The following KIF1A variants were observed in gnomAD, a reference collection of about 807,000 sequenced individuals.
The protein encoded by KIF1A is kinesin family member 1A, also known as kinesin-like protein KIF1A.
A neutral mutation model predicts 227.3 loss-of-function variants in KIF1A; 46 were observed. The ratio of observed to expected loss-of-function variants is 0.20; its 90% CI spans 0.16 to 0.26. KIF1A has a LOEUF of 0.26. KIF1A is among the 10% of genes least tolerant of loss of function. KIF1A has a pLI of 1.00. For synonymous variants in KIF1A, 1,022 were observed against 1,012.8 expected, an observed-to-expected ratio of 1.01 and a Z score of -0.17; for missense variants, 1,683 against 2,485.9, an observed-to-expected ratio of 0.68 and a Z score of 6.87.
At chr2:240,782,667 G>C (rs2054225443) in intron 9 of KIF1A, 60 bp from the exon 10 acceptor site, 1 of 1,534,908 alleles carries the variant, frequency 6.5e-7, no homozygotes, top group Middle Eastern at 1.8e-4. Context: ...CGGGCTGTGG[G>C]GGCGGAAGAG....
chr2:240,759,564 C>A (rs1456461768), intron 25 of KIF1A, among the ~76,000 whole-genome samples: 1 of 137,874 alleles, frequency 7.3e-6, no homozygotes, highest in African/African-American at 2.8e-5. Flanking sequence ...CCTGGGCCTT[C>A]CCCTACTCCT....
In KIF1A at chr2:240,793,815, C is replaced by T. The variant is rs1430896153; in HGVS notation, c.106+3832G>A. ...CGCTTTAGAGAGTGGGGCCTCTCCT[C>T]ATGTTTTGAGACTCCAGGAACAGTC... On this transcript the variant is annotated intron_variant, in intron 2 of 48. Coordinates refer to ENST00000498729, the MANE Select transcript of KIF1A (RefSeq NM_001244008.2). This position sits in a 1 kb window ranked among gnomAD's most constrained non-coding sequence, Gnocchi z 4.8. Among the ~76,000 whole-genome samples the T allele has an allele frequency of 6.6e-6, 1 of 152,220 alleles. No homozygotes were observed. Among genetic ancestry groups the T allele is most frequent in the Non-Finnish European group, 1.5e-5 (1 of 68,046 alleles).
chr2:240,765,437 C>G (rs2051051246), intron 20 of KIF1A, among the ~76,000 whole-genome samples: 1 of 152,230 alleles, frequency 6.6e-6, no homozygotes, highest in Admixed American at 6.5e-5. Context: ...GCAGGCACAC[C>G]CTGGCTCCTC....
In KIF1A at chr2:240,725,610, T is replaced by C. The variant is rs1051518466; in HGVS notation, c.4123-206A>G. On this transcript the variant is annotated intron_variant, in intron 39 of 48. Coordinates refer to ENST00000498729, the MANE Select transcript of KIF1A (RefSeq NM_001244008.2). This position sits in a 1 kb window ranked among gnomAD's most constrained non-coding sequence, Gnocchi z 5.8. Reference sequence around the variant, plus strand: ...CCCACTGGGGACAGGTAGCCACAGCTCTGTCCACCCCTGGGCTGCCTGAGG... The same window carrying C: ...CCCACTGGGGACAGGTAGCCACAGCCCTGTCCACCCCTGGGCTGCCTGAGG... 9.8e-5 allele frequency: 57 copies of C among 581,464 alleles called. No homozygotes were observed. The highest frequency in any genetic ancestry group is 1.6e-4 in the Non-Finnish European group (52 of 332,268). 36.0% of individuals were successfully genotyped at this position (581,464 alleles called of 1,614,324 possible).
rs1320733789 is a variant in KIF1A, at chr2:240,752,906, C to T, written c.2859-2359G>A. Among the ~76,000 whole-genome samples the T allele has an allele frequency of 6.6e-6, 1 of 152,190 alleles. No homozygotes were observed. Among genetic ancestry groups the T allele is most frequent in the East Asian group, 1.9e-4 (1 of 5,178 alleles). ...CACGGGGTTCCTGAATCCATTGGCG[C>T]AGCTCACAGGAAGGAGAGGCTAGAG... is the stretch of plus-strand genomic sequence containing the variant. On this transcript the variant is annotated intron_variant, in intron 27 of 48. Transcript: ENST00000498729. The surrounding 1 kb of genome is among the most constrained non-coding windows in gnomAD (Gnocchi z 6.4).
chr2:240,779,083 C>T (rs1168054525), intron 10 of KIF1A, among the ~76,000 whole-genome samples: 1 of 151,494 alleles, frequency 6.6e-6, no homozygotes, highest in Non-Finnish European at 1.5e-5. Context: ...CACAGTTCCA[C>T]ACTCAGTTCC....
chr2:240,763,908 G>A (rs2050828850), intron 20 of KIF1A, among the ~76,000 whole-genome samples: 1 of 152,304 alleles, frequency 6.6e-6, no homozygotes, highest in East Asian at 1.9e-4. Flanking sequence ...ACAGGTGGCT[G>A]CAGAGCCTCA....
At chr2:240,717,436 T>C in intron 48 of KIF1A, 30 bp from the exon 49 acceptor site, 1 of 1,606,634 alleles carries the variant, frequency 6.2e-7, no homozygotes. Flanking sequence ...GGCGGCGTGG[T>C]CAGGCCAGGA....
rs916199475 is a variant in KIF1A at position 240,775,175 on chromosome 2, G to A, written c.958+676C>T. On this transcript the variant is annotated intron_variant, in intron 11 of 48. Transcript: ENST00000498729. This position sits in a 1 kb window ranked among gnomAD's most constrained non-coding sequence, Gnocchi z 5.5. The stretch of plus-strand genomic sequence containing the variant: ...CTGCAATACTGACCTGAGCTGGGGA[G>A]CAAGCATGGCTAGTTGTGGGGTGCA... Among the ~76,000 whole-genome samples the A allele has an allele frequency of 1.3e-5, 2 of 152,228 alleles. No individual in the cohort carries two copies. Among genetic ancestry groups the A allele is most frequent in the African/African-American group, 4.8e-5 (2 of 41,464 alleles).
In KIF1A at chr2:240,793,903, G is replaced by A. The variant is rs896098863; in HGVS notation, c.106+3744C>T. Among the ~76,000 whole-genome samples the A allele has an allele frequency of 3.3e-5, 5 of 152,148 alleles. No individual in the cohort carries two copies. The highest frequency in any genetic ancestry group is 3.3e-4 in the Admixed American group (5 of 15,274). ...TCACTTCCCCACGACATCCTCTGAG[G>A]GGCCCCGCACAGTCCCCGCCATCTT... On this transcript the variant is annotated intron_variant, in intron 2 of 48. Coordinates refer to ENST00000498729, the MANE Select transcript of KIF1A (RefSeq NM_001244008.2). The surrounding 1 kb of genome is among the most constrained non-coding windows in gnomAD (Gnocchi z 4.8).
chr2:240,808,680 T>A (rs1460057321), intron 1 of KIF1A, among the ~76,000 whole-genome samples: 1 of 151,172 alleles, frequency 6.6e-6, no homozygotes, highest in Non-Finnish European at 1.5e-5. Context: ...CTCTAAAAAA[T>A]AAATAAATAA....
chr2:240,794,140 G>T (rs1223918445), intron 2 of KIF1A, among the ~76,000 whole-genome samples: 1 of 152,184 alleles, frequency 6.6e-6, no homozygotes, highest in Non-Finnish European at 1.5e-5. Flanking sequence ...TCAACCTCCA[G>T]GAGAAAAGCC....
chr2:240,732,473 G>A (rs1168950660), intron 38 of KIF1A, among the ~76,000 whole-genome samples: 1 of 148,036 alleles, frequency 6.8e-6, no homozygotes, highest in African/African-American at 2.5e-5. Flanking sequence ...AGGGATGAGG[G>A]GGTGAGGGGA....
chr2:240,755,479 A>C (rs2049741167), intron 27 of KIF1A, among the ~76,000 whole-genome samples: 1 of 152,200 alleles, frequency 6.6e-6, no homozygotes, highest in Non-Finnish European at 1.5e-5. Flanking sequence ...TTGGAGAGAG[A>C]GCCAGCAGCT....
Position 240,726,526 on chromosome 2 carries a change from G to A in KIF1A, c.4122+300C>T, listed in dbSNP as rs951848945. On this transcript the variant is annotated intron_variant, in intron 39 of 48. Transcript: ENST00000498729. The surrounding 1 kb of genome is among the most constrained non-coding windows in gnomAD (Gnocchi z 5.2). ...CTTGGGAGGCTGAGGCAGGAGAATC[G>A]CTTGAGCCTGGGAAGCGGAGGTTGC... Among the ~76,000 whole-genome samples, 6 of 152,118 alleles carry A rather than the reference G, an allele frequency of 3.9e-5. No individual in the cohort carries two copies. The highest frequency in any genetic ancestry group is 2.1e-4 in the South Asian group (1 of 4,826).
chr2:240,745,385 T>C, intron 32 of KIF1A, 42 bp downstream of exon 32: 1 of 1,434,542 alleles, frequency 7.0e-7, no homozygotes, highest in Non-Finnish European at 9.8e-7. Context: ...CCTGGGAGGG[T>C]CAGTCAGTGG....
At chr2:240,753,412 G>C (rs2049453310) in intron 27 of KIF1A, among the ~76,000 whole-genome samples, 1 of 152,222 alleles carries the variant, frequency 6.6e-6, no homozygotes, top group Non-Finnish European at 1.5e-5. Context: ...TGACTCTGAG[G>C]AGACGCCTTC....
chr2:240,743,337 G>C (rs2048217255), intron 33 of KIF1A, among the ~76,000 whole-genome samples: 1 of 152,228 alleles, frequency 6.6e-6, no homozygotes, highest in Non-Finnish European at 1.5e-5. Flanking sequence ...ACAGCTGAGG[G>C]GAGATGGAGA....
At chr2:240,721,497 G>C (rs1018368536) in intron 44 of KIF1A, among the ~76,000 whole-genome samples, 3 of 152,190 alleles carry the variant, frequency 2.0e-5, no homozygotes, top group African/African-American at 7.2e-5. Context: ...GACTGACTGG[G>C]CCAGAGGCCA....
Sources: gnomAD v4.1 joint callset for allele counts (sites outside exome capture counted in the v4.1 genomes callset) on GRCh38, gnomAD v4.1.1 for gene constraint, Gnocchi (gnomAD v3.1) non-coding constraint, MANE v1.5 for transcripts, NCBI Gene and HGNC (gene_info 2026-07-23, HGNC 2026-07-21) for gene names.